P2RY1: variants seen among roughly 807,000 people sequenced by gnomAD.
The protein encoded by P2RY1 is purinergic receptor P2Y1, also known as P2Y purinoceptor 1.
A neutral mutation model predicts 22.8 loss-of-function variants in P2RY1; 14 were observed. The observed-to-expected ratio is 0.61, with a 90% CI of 0.41 to 0.96. P2RY1 has a LOEUF of 0.96. P2RY1 is among the 40% of genes least tolerant of loss of function. P2RY1 has a pLI of 0.00. For synonymous variants in P2RY1, 200 were observed against 195.1 expected, an observed-to-expected ratio of 1.03 and a Z score of -0.21; for missense variants, 395 against 470.3, an observed-to-expected ratio of 0.84 and a Z score of 1.48.
At position 152,836,294 on chromosome 3, in the gene P2RY1, T is replaced by C. The variant is rs758787142; in HGVS notation, c.512T>C (p.Ile171Thr). The part of the protein sequence containing the change: ...GRLKKKNAIC[I>T]SVLVWLIVVV... ...CTCAAAAAGAAGAATGCGATCTGTA[T>C]CAGCGTGCTGGTGTGGCTCATTGTG... Residue 171 changes from isoleucine (I) to threonine (T), a missense_variant, in exon 1 of 1, where the codon ATC becomes ACC. Ile to Thr is a moderately conservative substitution (Grantham distance 89). Coordinates refer to ENST00000305097, the MANE Select transcript of P2RY1 (RefSeq NM_002563.5). The surrounding 1 kb of genome is among the most constrained non-coding windows in gnomAD (Gnocchi z 5.6). 1 of 1,614,138 alleles carries C rather than the reference T, an allele frequency of 6.2e-7. No homozygotes were observed. The highest frequency in any genetic ancestry group is 1.1e-5 in the South Asian group (1 of 91,066).
chr3:152,835,814 A>G lies in P2RY1; in HGVS notation c.32A>G (p.Asn11Ser), dbSNP rs1021641035. 7 of 1,609,902 alleles carry G rather than the reference A, an allele frequency of 4.3e-6. No individual in the cohort carries two copies. In the Admixed American group the frequency reaches 6.7e-5, roughly 15 times the overall value. The change falls in exon 1 of 1, where the codon AAC (asparagine) becomes AGC (serine). Residue 11 changes from asparagine (N) to serine (S), a missense_variant. By Grantham distance (46) the Asn-to-Ser change is conservative. Transcript: ENST00000305097. Reference protein sequence around the residue: MTEVLWPAVPNGTDAAFLAGP... With the variant: MTEVLWPAVPSGTDAAFLAGP... Reference sequence around the variant, plus strand: ...GAGGTGCTGTGGCCGGCTGTCCCCAACGGGACGGACGCTGCCTTCCTGGCC... The same window carrying G: ...GAGGTGCTGTGGCCGGCTGTCCCCAGCGGGACGGACGCTGCCTTCCTGGCC...
chr3:152,840,425 G>T lies in P2RY1; in HGVS notation c.*3521G>T, dbSNP rs1399792328. On this transcript the variant is annotated 3_prime_UTR_variant, in exon 1 of 1. Coordinates refer to ENST00000305097, the MANE Select transcript of P2RY1 (RefSeq NM_002563.5). ...TGAATATAAAATATCTTAGCCAAATGGGGTCTGTATTGTCTACATTTTATA... is the reference window on the plus strand; with the variant it reads ...TGAATATAAAATATCTTAGCCAAATTGGGTCTGTATTGTCTACATTTTATA... 2.0e-5 allele frequency: 3 copies of T among 152,084 alleles called. No individual in the cohort carries two copies. Among genetic ancestry groups the T allele is most frequent in the Non-Finnish European group, 1.5e-5 (1 of 67,998 alleles). 9.4% of individuals were successfully genotyped at this position (152,084 alleles called of 1,614,324 possible). A position where few individuals can be genotyped will look rare whatever the true frequency, so the allele number is the denominator to read the frequency against.
Position 152,835,532 on chromosome 3 carries a change from C to T in P2RY1, c.-251C>T, listed in dbSNP as rs370651183. The T allele has an allele frequency of 1.0e-5, 5 of 491,746 alleles. No homozygotes were observed. Among genetic ancestry groups the T allele is most frequent in the Non-Finnish European group, 1.8e-5 (5 of 281,038 alleles). The allele number at this position is 491,746 out of a possible 1,614,324, so 30.5% of individuals were successfully genotyped here. A position where few individuals can be genotyped will look rare whatever the true frequency, so the allele number is the denominator to read the frequency against. ...TGTTGTGTAAGCTCGGCGTTGCCAG[C>T]GGACGGAGAAGTTGCTGGCTTGCCC... is the stretch of plus-strand genomic sequence containing the variant. On this transcript the variant is annotated 5_prime_UTR_variant, in exon 1 of 1. Coordinates refer to ENST00000305097, the MANE Select transcript of P2RY1 (RefSeq NM_002563.5).
chr3:152,835,376 C>T lies in P2RY1; in HGVS notation c.-407C>T, dbSNP rs1716117357. The T allele has an allele frequency of 5.1e-6, 1 of 195,626 alleles. No homozygotes were observed. The highest frequency in any genetic ancestry group is 1.5e-4 in the South Asian group (1 of 6,642). The allele number at this position is 195,626 out of a possible 1,614,324, so 12.1% of individuals were successfully genotyped here. A position where few individuals can be genotyped will look rare whatever the true frequency, so the allele number is the denominator to read the frequency against. On this transcript the variant is annotated 5_prime_UTR_variant, in exon 1 of 1. Transcript: ENST00000305097. ...GCCAAGGAGGCTGGGGAGCAGCCTC[C>T]CCAAGCTAGAGCCCTGCAGAGCGAG...
In P2RY1 at chr3:152,836,737, G is replaced by A; in HGVS notation, c.955G>A (p.Val319Met). The change falls in exon 1 of 1, where the codon GTG becomes ATG. Residue 319 changes from valine to methionine, a missense_variant. Around this residue, in one of 3 missense-constraint regions of P2RY1, gnomAD observed 291 missense variants for 361.6 expected, o/e 0.80. Transcript: ENST00000305097. This position sits in a 1 kb window ranked among gnomAD's most constrained non-coding sequence, Gnocchi z 5.6. ...AGGTCTAGCAAGTCTCAACAGTTGT[G>A]TGGACCCCATTCTCTATTTCTTGGC... Reference protein sequence around the residue: ...TRGLASLNSCVDPILYFLAGD... With the variant: ...TRGLASLNSCMDPILYFLAGD... The A allele has an allele frequency of 6.2e-7, 1 of 1,614,180 alleles. No homozygotes were observed. The highest frequency in any genetic ancestry group is 1.3e-5 in the African/African-American group (1 of 75,048).
rs1026699945 is a variant in P2RY1, at chr3:152,840,808, T to G, written c.*3904T>G. The G allele has an allele frequency of 1.3e-5, 2 of 151,022 alleles. No homozygotes were observed. The highest frequency in any genetic ancestry group is 3.0e-5 in the Non-Finnish European group (2 of 67,640). The allele number at this position is 151,022 out of a possible 1,614,324, so 9.4% of individuals were successfully genotyped here. A position where few individuals can be genotyped will look rare whatever the true frequency, so the allele number is the denominator to read the frequency against. On this transcript the variant is annotated 3_prime_UTR_variant, in exon 1 of 1. Transcript: ENST00000305097. The stretch of plus-strand genomic sequence containing the variant: ...CAACACTGCTATTGATTTTAATCTG[T>G]TTTTTTTTGTTTAGTTGATAACTTA...
Position 152,835,779 on chromosome 3 carries a change from G to C in P2RY1, c.-4G>C. ...GAGCCGCCGCCTAAGTCGAGGAGGA[G>C]AGAATGACCGAGGTGCTGTGGCCGG... On this transcript the variant is annotated 5_prime_UTR_variant, in exon 1 of 1. Coordinates refer to ENST00000305097, the MANE Select transcript of P2RY1 (RefSeq NM_002563.5). 6.3e-7 allele frequency: 1 copy of C among 1,590,678 alleles called. No homozygotes were observed. Among genetic ancestry groups the C allele is most frequent in the Non-Finnish European group, 8.5e-7 (1 of 1,170,800 alleles).
In P2RY1 at chr3:152,838,784, T is replaced by C. The variant is rs1219989790; in HGVS notation, c.*1880T>C. 3 of 152,122 alleles carry C rather than the reference T, an allele frequency of 2.0e-5. No individual in the cohort carries two copies. The highest frequency in any genetic ancestry group is 4.4e-5 in the Non-Finnish European group (3 of 68,012). The allele number at this position is 152,122 out of a possible 1,614,324, so 9.4% of individuals were successfully genotyped here. A position where few individuals can be genotyped will look rare whatever the true frequency, so the allele number is the denominator to read the frequency against. ...AATGCATAGGATTATAGAAACCAAA[T>C]CAAGAAGAAACCTACTACACCTCCT... On this transcript the variant is annotated 3_prime_UTR_variant, in exon 1 of 1. Transcript: ENST00000305097.
Position 152,835,398 on chromosome 3 carries a change from C to A in P2RY1, c.-385C>A, listed in dbSNP as rs916401480. 2.4e-4 allele frequency: 57 copies of A among 236,154 alleles called. 1 individual carries two copies. The highest frequency in any genetic ancestry group is 3.2e-5 in the Non-Finnish European group (4 of 123,606). The allele number at this position is 236,154 out of a possible 1,614,324, so 14.6% of individuals were successfully genotyped here. On this transcript the variant is annotated 5_prime_UTR_variant, in exon 1 of 1. Transcript: ENST00000305097. The stretch of plus-strand genomic sequence containing the variant: ...CTCCCCAAGCTAGAGCCCTGCAGAG[C>A]GAGTTTCCCTTGACCTCGCTGCGCC...
chr3:152,835,768 G>GCCTCCTCACC lies in P2RY1; in HGVS notation c.-15_-14insCCTCCTCACC, dbSNP rs759185351. ...CCTACCCCTCGGAGCCGCCGCCTAA[G>GCCTCCTCACC]TCGAGGAGGAGAGAATGACCGAGGT... On this transcript the variant is annotated 5_prime_UTR_variant, in exon 1 of 1. Transcript: ENST00000305097. 1.9e-6 allele frequency: 3 copies of GCCTCCTCACC among 1,573,452 alleles called. No homozygotes were observed. The Admixed American group carries it at 5.3e-5, about 28-fold the overall frequency.
Position 152,835,855 on chromosome 3 carries a change from T to C in P2RY1, c.73T>C (p.Trp25Arg). 1 of 1,613,392 alleles carries C rather than the reference T, an allele frequency of 6.2e-7. No individual in the cohort carries two copies. Among genetic ancestry groups the C allele is most frequent in the South Asian group, 1.1e-5 (1 of 91,052 alleles). Residue 25 changes from tryptophan to arginine, a missense_variant, in exon 1 of 1, where the codon TGG becomes CGG. Trp to Arg is a moderately radical substitution (Grantham distance 101). Around this residue, in one of 3 missense-constraint regions of P2RY1, gnomAD observed 98 missense variants for 87.7 expected, o/e 1.12. Coordinates refer to ENST00000305097, the MANE Select transcript of P2RY1 (RefSeq NM_002563.5). ...AAFLAGPGSS[W>R]GNSTVASTAA... ...CTTCCTGGCCGGTCCGGGTTCGTCC[T>C]GGGGGAACAGCACGGTCGCCTCCAC...
In P2RY1 at chr3:152,836,787, C is replaced by G; in HGVS notation, c.1005C>G (p.Leu335=). The G allele has an allele frequency of 6.2e-7, 1 of 1,613,934 alleles. No homozygotes were observed. The highest frequency in any genetic ancestry group is 8.5e-7 in the Non-Finnish European group (1 of 1,180,018). Residue 335 remains leucine (L), a synonymous_variant, in exon 1 of 1, where the codon CTC becomes CTG. Coordinates refer to ENST00000305097, the MANE Select transcript of P2RY1 (RefSeq NM_002563.5). This position sits in a 1 kb window ranked among gnomAD's most constrained non-coding sequence, Gnocchi z 5.6. The part of the protein sequence containing the change: ...FLAGDTFRRR[L]SRATRKASRR... ...CGGGAGATACTTTCAGAAGGAGACT[C>G]TCCCGAGCCACAAGGAAAGCTTCTA...
rs780911272 is a variant in P2RY1, at chr3:152,836,670, T to A, written c.888T>A (p.Cys296Ter). 1 of 1,614,100 alleles carries A rather than the reference T, an allele frequency of 6.2e-7. No individual in the cohort carries two copies. The change falls in exon 1 of 1, where the codon TGT (cysteine) becomes TGA (stop). Residue 296 changes from cysteine (C) to a stop codon, truncating the protein, a stop_gained. Coordinates refer to ENST00000305097, the MANE Select transcript of P2RY1 (RefSeq NM_002563.5). LOFTEE classifies it high-confidence loss of function. The surrounding 1 kb of genome is among the most constrained non-coding windows in gnomAD (Gnocchi z 5.6). ...TTGATTTTCAGACCCCAGCAATGTG[T>A]GCTTTCAATGACAGGGTTTATGCCA... is the stretch of plus-strand genomic sequence containing the variant. ...ARLDFQTPAM[C>*]AFNDRVYATY...
rs1216242998 is a variant in P2RY1 at position 152,841,128 on chromosome 3, C to T, written c.*4224C>T. 1 of 152,126 alleles carries T rather than the reference C, an allele frequency of 6.6e-6. No homozygotes were observed. Among genetic ancestry groups the T allele is most frequent in the Non-Finnish European group, 1.5e-5 (1 of 68,020 alleles). The allele number at this position is 152,126 out of a possible 1,614,324, so 9.4% of individuals were successfully genotyped here. On this transcript the variant is annotated 3_prime_UTR_variant, in exon 1 of 1. Coordinates refer to ENST00000305097, the MANE Select transcript of P2RY1 (RefSeq NM_002563.5). ...AAACAGTGTTACTTGATATTTTGAG[C>T]TTTCTCAGGTTTATCTAAATCAGTG...
At position 152,841,263 on chromosome 3, in the gene P2RY1, TTGTG is replaced by T. The variant is rs56261476; in HGVS notation, c.*4391_*4394del. The T allele has an allele frequency of 0.11, 15,551 of 145,848 alleles. 903 individuals carry two copies. Among genetic ancestry groups the T allele is most frequent in the East Asian group, 0.3 (1,477 of 5,002 alleles). The allele number at this position is 145,848 out of a possible 1,614,324, so 9.0% of individuals were successfully genotyped here. On this transcript the variant is annotated 3_prime_UTR_variant, in exon 1 of 1. Coordinates refer to ENST00000305097, the MANE Select transcript of P2RY1 (RefSeq NM_002563.5). ...TTTGCATGTAAGAGTATGCAAAACC[TTGTG>T]TGTGTGTGTGTGTGTGTGTGTGTGT...
At position 152,837,962 on chromosome 3, in the gene P2RY1, A is replaced by G. The variant is rs1037910175; in HGVS notation, c.*1058A>G. On this transcript the variant is annotated 3_prime_UTR_variant, in exon 1 of 1. Transcript: ENST00000305097. Reference sequence around the variant, plus strand: ...GAAGCAACTGGGGTGGGCAGAAGACATTTTAGAATGAGGGCTTTAGTTTAA... The same window carrying G: ...GAAGCAACTGGGGTGGGCAGAAGACGTTTTAGAATGAGGGCTTTAGTTTAA... 6.0e-6 allele frequency: 1 copy of G among 167,102 alleles called. No homozygotes were observed. The highest frequency in any genetic ancestry group is 2.4e-5 in the African/African-American group (1 of 41,454). The allele number at this position is 167,102 out of a possible 1,614,324, so 10.4% of individuals were successfully genotyped here. A position where few individuals can be genotyped will look rare whatever the true frequency, so the allele number is the denominator to read the frequency against.
chr3:152,835,581 C>A lies in P2RY1; in HGVS notation c.-202C>A, dbSNP rs896445325. 1 of 566,828 alleles carries A rather than the reference C, an allele frequency of 1.8e-6. No homozygotes were observed. 35.1% of individuals were successfully genotyped at this position (566,828 alleles called of 1,614,324 possible). ...CCGATAGCCCAGTTCGGTGGCGGCCCGGGGCGGATTTCATGGCCCGCGGCG... is the reference window on the plus strand; with the variant it reads ...CCGATAGCCCAGTTCGGTGGCGGCCAGGGGCGGATTTCATGGCCCGCGGCG... On this transcript the variant is annotated 5_prime_UTR_variant, in exon 1 of 1. Transcript: ENST00000305097.
At position 152,835,847 on chromosome 3, in the gene P2RY1, G is replaced by T. The variant is rs780725124; in HGVS notation, c.65G>T (p.Gly22Val). Residue 22 changes from glycine (G) to valine (V), a missense_variant, in exon 1 of 1, where the codon GGT becomes GTT. Around this residue, in one of 3 missense-constraint regions of P2RY1, gnomAD observed 98 missense variants for 87.7 expected, o/e 1.12. Transcript: ENST00000305097. ...GTDAAFLAGP[G>V]SSWGNSTVAS... ...GACGCTGCCTTCCTGGCCGGTCCGG[G>T]TTCGTCCTGGGGGAACAGCACGGTC... 1.9e-6 allele frequency: 3 copies of T among 1,613,012 alleles called. No homozygotes were observed. Among genetic ancestry groups the T allele is most frequent in the Admixed American group, 1.7e-5 (1 of 60,016 alleles).
chr3:152,836,922 A>G lies in P2RY1; in HGVS notation c.*18A>G, dbSNP rs144160018. On this transcript the variant is annotated 3_prime_UTR_variant, in exon 1 of 1. Coordinates refer to ENST00000305097, the MANE Select transcript of P2RY1 (RefSeq NM_002563.5). This position sits in a 1 kb window ranked among gnomAD's most constrained non-coding sequence, Gnocchi z 5.6. ...GCCTGTGAAGGCACAAGAATCTCCA[A>G]ACACCTCTCTGTTGTAATATGGTAG... 742 of 1,574,270 alleles carry G rather than the reference A, an allele frequency of 4.7e-4. 3 individuals are homozygous for G. In the African/African-American group the frequency reaches 7.2e-3, roughly 15 times the overall value.
Sources: gnomAD v4.1 joint callset for allele counts on GRCh38, gnomAD v4.1.1 for gene constraint, gnomAD v4.1.1 regional missense constraint, Gnocchi (gnomAD v3.1) non-coding constraint, MANE v1.5 for transcripts, NCBI Gene and HGNC (gene_info 2026-07-23, HGNC 2026-07-21) for gene names.